Variants in AUTS2 observed in about 807,000 individuals in gnomAD.
AUTS2 encodes activator of transcription and developmental regulator AUTS2.
AUTS2 carries 17 observed loss-of-function variants against 112.4 expected under a neutral mutation model. That is an observed-to-expected ratio of 0.15 (90% CI 0.10 to 0.23). AUTS2 has a LOEUF of 0.23. AUTS2 is among the 10% of genes least tolerant of loss of function. The pLI is 1.00. For missense variants in AUTS2, 1,510 were observed against 1,701.6 expected, an observed-to-expected ratio of 0.89 and a Z score of 1.98; for synonymous variants, 751 against 702.7, an observed-to-expected ratio of 1.07 and a Z score of -1.09.
intron 2 of AUTS2, among the ~76,000 whole-genome samples, chr7:70,091,471 A>C (rs1406015670): frequency 6.6e-6 from 1 of 152,010 alleles, no homozygotes; most frequent in East Asian, 1.9e-4. Context: ...GGTCCTATAA[A>C]TTTTTTTTAA....
chr7:70,754,116 G>A (rs941392223), intron 6 of AUTS2, among the ~76,000 whole-genome samples: 24 of 152,236 alleles, frequency 1.6e-4, no homozygotes, highest in Admixed American at 8.5e-4. Context: ...AGCCGAGATC[G>A]CGCCGCTGCA....
intron 1 of AUTS2, among the ~76,000 whole-genome samples, chr7:69,783,992 T>C (rs1196295858): frequency 1.3e-5 from 2 of 152,190 alleles, no homozygotes; most frequent in Non-Finnish European, 2.9e-5. Context: ...GTGATTTGCT[T>C]TATTATGCTG....
intron 13 of AUTS2, chr7:70,776,691 A>G (rs553599735): frequency 8.8e-4 from 229 of 260,516 alleles, no homozygotes; most frequent in Non-Finnish European, 1.5e-3. Context: ...TGACTCACAG[A>G]CATTCACTAA....
intron 4 of AUTS2, among the ~76,000 whole-genome samples, chr7:70,219,746 AT>A (rs1811376307): frequency 6.6e-6 from 1 of 151,792 alleles, no homozygotes; most frequent in Non-Finnish European, 1.5e-5. Flanking sequence ...TAATTTTTGT[AT>A]TTTTAGTAGA....
At chr7:70,407,192 C>T (rs1034926249) in intron 4 of AUTS2, among the ~76,000 whole-genome samples, 1 of 152,128 alleles carries the variant, frequency 6.6e-6, no homozygotes, top group African/African-American at 2.4e-5. Flanking sequence ...GCAGGTTTAG[C>T]CAGAATTTTG....
intron 4 of AUTS2, among the ~76,000 whole-genome samples, chr7:70,419,881 G>A (rs552980939): frequency 1.2e-4 from 18 of 151,700 alleles, no homozygotes; most frequent in Non-Finnish European, 8.8e-5. Context: ...CATTTTTTTC[G>A]TATGTTTATT....
chr7:69,742,819 T>C (rs1787325831), intron 1 of AUTS2, among the ~76,000 whole-genome samples: 1 of 152,234 alleles, frequency 6.6e-6, no homozygotes, highest in South Asian at 2.1e-4. Flanking sequence ...AGTAGGTGGC[T>C]AGTTGTGGTA....
intron 1 of AUTS2, among the ~76,000 whole-genome samples, chr7:69,600,408 CGTGTGTGT>C (rs113179115): frequency 2.6e-4 from 38 of 143,398 alleles, no homozygotes; most frequent in Middle Eastern, 3.5e-3. Flanking sequence ...GTCATATGTT[CGTGTGTGT>C]GTGTGTGTGT....
intron 1 of AUTS2, among the ~76,000 whole-genome samples, chr7:69,829,897 A>G (rs1791421124): frequency 6.6e-6 from 1 of 152,168 alleles, no homozygotes; most frequent in Non-Finnish European, 1.5e-5. Context: ...TATATACCTA[A>G]AGGATCATAA....
At chr7:69,970,632 T>G (rs1235400151) in intron 2 of AUTS2, among the ~76,000 whole-genome samples, 1 of 152,136 alleles carries the variant, frequency 6.6e-6, no homozygotes, top group Non-Finnish European at 1.5e-5. Flanking sequence ...AAAACCCTGC[T>G]AGAGGTATCT....
At chr7:70,300,150 A>G (rs189764670) in intron 4 of AUTS2, among the ~76,000 whole-genome samples, 2 of 152,314 alleles carry the variant, frequency 1.3e-5, no homozygotes, top group African/African-American at 2.4e-5. Flanking sequence ...GGGGTGTCCA[A>G]TCTTTTGGCT....
intron 6 of AUTS2, among the ~76,000 whole-genome samples, chr7:70,747,097 A>G (rs372703506): frequency 1.3e-5 from 2 of 152,274 alleles, no homozygotes; most frequent in African/African-American, 4.8e-5. Flanking sequence ...TAGGACAGCC[A>G]GGTAGACAAG....
At chr7:69,760,324 C>T (rs1419161149) in intron 1 of AUTS2, among the ~76,000 whole-genome samples, 3 of 150,394 alleles carry the variant, frequency 2.0e-5, no homozygotes, top group South Asian at 4.2e-4. Flanking sequence ...TGTGAGTCAT[C>T]GCACCTGGCC....
chr7:70,420,428 A>G (rs1795170907), intron 4 of AUTS2, among the ~76,000 whole-genome samples: 1 of 152,190 alleles, frequency 6.6e-6, no homozygotes, highest in Admixed American at 6.5e-5. Context: ...GAGGCCATCC[A>G]TACTGATGTC....
intron 1 of AUTS2, among the ~76,000 whole-genome samples, chr7:69,807,945 T>G (rs1790380788): frequency 6.7e-6 from 1 of 150,026 alleles, no homozygotes; most frequent in East Asian, 1.9e-4. Context: ...CCAAGCTTTT[T>G]TTTTTTTTTT....
chr7:70,533,644 C>G (rs1459421265), intron 5 of AUTS2, among the ~76,000 whole-genome samples: 2 of 152,248 alleles, frequency 1.3e-5, no homozygotes, highest in Non-Finnish European at 2.9e-5. Flanking sequence ...GTAAAGCCCT[C>G]TTGCCTTGTA....
At chr7:69,727,131 G>C (rs1346380997) in intron 1 of AUTS2, among the ~76,000 whole-genome samples, 1 of 151,940 alleles carries the variant, frequency 6.6e-6, no homozygotes. Context: ...TTTTCTTCTA[G>C]AAGCTTTATT....
intron 1 of AUTS2, among the ~76,000 whole-genome samples, chr7:69,683,446 A>G (rs911629497): frequency 3.3e-5 from 5 of 152,180 alleles, no homozygotes; most frequent in Non-Finnish European, 7.4e-5. Context: ...TTTTTCAGTA[A>G]AAGAAAAAGC....
chr7:70,559,666 A>G (rs1485280222), intron 5 of AUTS2, among the ~76,000 whole-genome samples: 1 of 151,950 alleles, frequency 6.6e-6, no homozygotes, highest in Non-Finnish European at 1.5e-5. Context: ...CCCAGTCTCA[A>G]CATCATTTGT....
Sources: allele counts gnomAD v4.1 joint callset (sites outside exome capture counted in the v4.1 genomes callset), GRCh38; gene constraint gnomAD v4.1.1; transcripts MANE v1.5; gene names NCBI Gene and HGNC (gene_info 2026-07-23, HGNC 2026-07-21).